The following ZC3H12B variants were observed in gnomAD, a reference collection of about 807,000 sequenced individuals.
ZC3H12B encodes probable ribonuclease ZC3H12B.
Under a neutral mutation model 43.9 loss-of-function variants are expected in ZC3H12B, and 7 were observed. That is an observed-to-expected ratio of 0.16 (90% CI 0.09 to 0.30). The LOEUF (loss-of-function observed/expected upper bound fraction) is 0.30, where lower values mean the gene tolerates loss of function less well. ZC3H12B is among the 10% of genes least tolerant of loss of function. The probability of loss-of-function intolerance (pLI) is 1.00; values close to 1 mark genes in which losing one functional copy is unlikely to be tolerated. For missense variants in ZC3H12B, 475 were observed against 670.2 expected, an observed-to-expected ratio of 0.71 and a Z score of 3.22; for synonymous variants, 222 against 241.7, an observed-to-expected ratio of 0.92 and a Z score of 0.76.
the ZC3H12B span, among the ~76,000 whole-genome samples, chrX:65,199,310 T>A: frequency 9.2e-6 from 1 of 109,212 alleles, no homozygotes; most frequent in African/African-American, 3.3e-5. Flanking sequence ...TGCATTTTTC[T>A]TCTACAGAAT....
exon 5 of ZC3H12B, chrX:65,503,403 G>C: frequency 2.6e-6 from 1 of 380,991 alleles, no homozygotes; most frequent in Non-Finnish European, 4.4e-6. Context: ...GTGAAGGTCA[G>C]TGAAATTAAG....
chrX:65,089,028 A>T, the ZC3H12B span, among the ~76,000 whole-genome samples: 10 of 112,167 alleles, frequency 8.9e-5, no homozygotes, highest in Non-Finnish European at 9.4e-5. Context: ...TACCATAAAT[A>T]TTAGTTATTT....
chrX:65,288,293 T>G, the ZC3H12B span, among the ~76,000 whole-genome samples: 1 of 111,004 alleles, frequency 9.0e-6, no homozygotes, highest in African/African-American at 3.3e-5. Flanking sequence ...GAATTCTCCA[T>G]AACTCATTCA....
At chrX:65,122,274 C>G in the ZC3H12B span, among the ~76,000 whole-genome samples, 2 of 110,602 alleles carry the variant, frequency 1.8e-5, no homozygotes, top group South Asian at 7.6e-4. Context: ...AATTTCATAC[C>G]CAGCCAAACT....
the ZC3H12B span, among the ~76,000 whole-genome samples, chrX:65,207,078 C>T: frequency 9.2e-6 from 1 of 108,817 alleles, no homozygotes; most frequent in Non-Finnish European, 1.9e-5. Flanking sequence ...ACTAATACAG[C>T]CATTATGGAA....
At chrX:65,168,729 G>T in the ZC3H12B span, among the ~76,000 whole-genome samples, 2 of 111,266 alleles carry the variant, frequency 1.8e-5, no homozygotes, top group Non-Finnish European at 3.8e-5. Context: ...CCTGTTACTG[G>T]TCTATTCAGC....
chrX:65,488,172 G>A (rs1000643740), upstream of ZC3H12B, among the ~76,000 whole-genome samples: 3 of 110,968 alleles, frequency 2.7e-5, no homozygotes, highest in African/African-American at 6.6e-5. Flanking sequence ...TGCCCGGCCC[G>A]CATGTGCTTT....
At chrX:65,443,398 G>A (rs754099360) in intron 3 of ZC3H12B, among the ~76,000 whole-genome samples, 9 of 111,326 alleles carry the variant, frequency 8.1e-5, no homozygotes, top group African/African-American at 2.9e-4. Context: ...TAACCCAGAG[G>A]CGCTAGAGGA....
At chrX:65,036,976 T>A in the ZC3H12B span, among the ~76,000 whole-genome samples, 7 of 109,556 alleles carry the variant, frequency 6.4e-5, no homozygotes, top group Non-Finnish European at 1.3e-4. Flanking sequence ...TTCAGTGAAC[T>A]CTGGAATGAA....
At chrX:65,369,551 C>T (rs1241598722) in intron 2 of ZC3H12B, among the ~76,000 whole-genome samples, 1 of 111,725 alleles carries the variant, frequency 9.0e-6, no homozygotes, top group Non-Finnish European at 1.9e-5. Context: ...TCTACCTCTA[C>T]TTCATTGTGC....
chrX:65,222,618 A>AATG, the ZC3H12B span, among the ~76,000 whole-genome samples: 3 of 82,555 alleles, frequency 3.6e-5, no homozygotes, highest in Admixed American at 2.5e-4. Flanking sequence ...TAATAATAAT[A>AATG]ATAATAATAA....
the ZC3H12B span, among the ~76,000 whole-genome samples, chrX:65,123,417 T>G: frequency 9.0e-6 from 1 of 111,353 alleles, no homozygotes; most frequent in East Asian, 2.8e-4. Context: ...CTGCCAGGCT[T>G]TGGTATCAGG....
At chrX:65,207,247 TATATAC>T in the ZC3H12B span, among the ~76,000 whole-genome samples, 1 of 95,203 alleles carries the variant, frequency 1.1e-5, no homozygotes, top group African/African-American at 5.3e-5. Context: ...TGTGTGTGTA[TATATAC>T]ACACACACAC....
the ZC3H12B span, among the ~76,000 whole-genome samples, chrX:65,166,875 T>A: frequency 9.0e-6 from 1 of 110,993 alleles, no homozygotes; most frequent in African/African-American, 3.4e-5. Context: ...TTTCGCCCAC[T>A]TTTTGATGCA....
intron 2 of ZC3H12B, among the ~76,000 whole-genome samples, chrX:65,376,999 C>T (rs1189955575): frequency 9.1e-6 from 1 of 110,317 alleles, no homozygotes; most frequent in East Asian, 2.8e-4. Context: ...TTCGAGAAAA[C>T]TGAGAAATTC....
At chrX:65,245,204 G>T in the ZC3H12B span, among the ~76,000 whole-genome samples, 3 of 111,521 alleles carry the variant, frequency 2.7e-5, no homozygotes, top group Admixed American at 1.9e-4. Context: ...GAGAAATTGA[G>T]TCCCTGAACA....
the ZC3H12B span, among the ~76,000 whole-genome samples, chrX:65,229,815 C>G: frequency 9.3e-6 from 1 of 108,059 alleles, no homozygotes; most frequent in African/African-American, 3.4e-5. Flanking sequence ...CAGAGAAATG[C>G]AAATCAAAAC....
the ZC3H12B span, among the ~76,000 whole-genome samples, chrX:65,342,550 CT>C: frequency 8.9e-6 from 1 of 111,760 alleles, no homozygotes; most frequent in Non-Finnish European, 1.9e-5. Context: ...TAACCTGCCC[CT>C]GAATTACTTT....
chrX:65,347,755 T>G, the ZC3H12B span, among the ~76,000 whole-genome samples: 1 of 112,298 alleles, frequency 8.9e-6, no homozygotes, highest in Non-Finnish European at 1.9e-5. Flanking sequence ...CAAAAGATTA[T>G]AAATCATGCT....
Sources: gnomAD v4.1 joint callset for allele counts (sites outside exome capture counted in the v4.1 genomes callset) on GRCh38, gnomAD v4.1.1 for gene constraint, MANE v1.5 for transcripts, NCBI Gene and HGNC (gene_info 2026-07-23, HGNC 2026-07-21) for gene names.